Variants in RABGAP1L observed in about 807,000 individuals in gnomAD.
The protein encoded by RABGAP1L is rab GTPase-activating protein 1-like.
RABGAP1L carries 63 observed loss-of-function variants against 137.7 expected under a neutral mutation model. The ratio of observed to expected loss-of-function variants is 0.46; its 90% CI spans 0.37 to 0.56. RABGAP1L has a LOEUF of 0.56. RABGAP1L is among the 20% of genes least tolerant of loss of function. The pLI, the probability that RABGAP1L is intolerant of heterozygous loss-of-function variation, is 0.00. For synonymous variants in RABGAP1L, 431 were observed against 433.7 expected, an observed-to-expected ratio of 0.99 and a Z score of 0.08; for missense variants, 1,095 against 1,244.0, an observed-to-expected ratio of 0.88 and a Z score of 1.80.
At chr1:174,540,743 G>T (rs569628259) in intron 13 of RABGAP1L, among the ~76,000 whole-genome samples, 79 of 152,252 alleles carry the variant, frequency 5.2e-4, no homozygotes, top group South Asian at 5.2e-3. Context: ...CTCCAGCTTT[G>T]TTCTTTTTGT....
chr1:174,668,769 G>A (rs1676966669), intron 14 of RABGAP1L, among the ~76,000 whole-genome samples: 2 of 152,100 alleles, frequency 1.3e-5, no homozygotes, highest in Admixed American at 6.6e-5. Flanking sequence ...CTTGCCAACA[G>A]TTGTTATCTT....
At chr1:174,160,227 T>C (rs1342720700) in intron 1 of RABGAP1L, among the ~76,000 whole-genome samples, 1 of 152,084 alleles carries the variant, frequency 6.6e-6, no homozygotes, top group Non-Finnish European at 1.5e-5. Context: ...CTGTAGGGAA[T>C]GCCCCGCTTC....
intron 13 of RABGAP1L, among the ~76,000 whole-genome samples, chr1:174,624,028 A>G (rs2148284815): frequency 6.6e-6 from 1 of 152,372 alleles, no homozygotes; most frequent in East Asian, 1.9e-4. Context: ...CATATTGTCC[A>G]CAGGATTAAG....
intron 19 of RABGAP1L, among the ~76,000 whole-genome samples, chr1:174,937,615 A>G (rs991518204): frequency 3.1e-5 from 3 of 97,856 alleles, no homozygotes; most frequent in African/African-American, 2.6e-4. Context: ...GCAATACTTC[A>G]TTAAATATAT....
intron 19 of RABGAP1L, among the ~76,000 whole-genome samples, chr1:174,907,904 A>C (rs1229635753): frequency 6.6e-6 from 1 of 152,224 alleles, no homozygotes; most frequent in Admixed American, 6.5e-5. Flanking sequence ...AGACCCAGCT[A>C]TATGCTGCCT....
At chr1:174,191,084 C>T (rs752108626) in intron 1 of RABGAP1L, among the ~76,000 whole-genome samples, 10 of 152,086 alleles carry the variant, frequency 6.6e-5, no homozygotes, top group Non-Finnish European at 1.2e-4. Flanking sequence ...GATCGCTGAT[C>T]ACAGATCACC....
intron 17 of RABGAP1L, among the ~76,000 whole-genome samples, chr1:174,710,394 A>G (rs906759662): frequency 1.3e-5 from 2 of 152,212 alleles, no homozygotes; most frequent in Admixed American, 6.5e-5. Flanking sequence ...CCAATGTTGA[A>G]ATGAAGGAAA....
chr1:174,241,779 T>C, intron 5 of RABGAP1L, 122 bp downstream of exon 5: 1 of 880,728 alleles, frequency 1.1e-6, no homozygotes, highest in Non-Finnish European at 1.7e-6. Flanking sequence ...AAAGACAAAA[T>C]TAATATTTGT....
At chr1:174,251,572 A>G (rs1485452976) in intron 6 of RABGAP1L, among the ~76,000 whole-genome samples, 2 of 152,164 alleles carry the variant, frequency 1.3e-5, no homozygotes, top group Admixed American at 6.5e-5. Context: ...TTCTTTTTAG[A>G]TAAGACAAGC....
At chr1:174,908,615 T>C (rs1340977516) in intron 19 of RABGAP1L, among the ~76,000 whole-genome samples, 1 of 146,156 alleles carries the variant, frequency 6.8e-6, no homozygotes, top group East Asian at 2.1e-4. Context: ...CGATCTTGGC[T>C]CACTGCAACC....
At chr1:174,772,383 C>T (rs1573117368) in intron 18 of RABGAP1L, among the ~76,000 whole-genome samples, 2 of 151,672 alleles carry the variant, frequency 1.3e-5, no homozygotes, top group Admixed American at 6.6e-5. Context: ...TTCGAGATCA[C>T]CCTGGCCAAC....
intron 11 of RABGAP1L, among the ~76,000 whole-genome samples, chr1:174,314,983 T>G (rs935645043): frequency 2.0e-5 from 3 of 152,204 alleles, no homozygotes; most frequent in African/African-American, 7.2e-5. Context: ...GGATGAAATA[T>G]TCTGTAAATA....
At chr1:174,204,509 A>G (rs1668362659) in intron 1 of RABGAP1L, among the ~76,000 whole-genome samples, 1 of 152,186 alleles carries the variant, frequency 6.6e-6, no homozygotes, top group Non-Finnish European at 1.5e-5. Flanking sequence ...GAATGCTTCT[A>G]GCTTTTGACC....
intron 17 of RABGAP1L, among the ~76,000 whole-genome samples, chr1:174,735,630 A>G (rs959860802): frequency 3.3e-5 from 5 of 150,668 alleles, no homozygotes; most frequent in African/African-American, 4.9e-5. Flanking sequence ...AAAAAAAAAA[A>G]AAAAAAAAAA....
intron 24 of RABGAP1L, among the ~76,000 whole-genome samples, chr1:174,985,103 GAAC>G (rs1427548025): frequency 6.6e-6 from 1 of 152,168 alleles, no homozygotes; most frequent in African/African-American, 2.4e-5. Context: ...GAATAAAGAA[GAAC>G]AACTAGGCTC....
chr1:174,190,312 A>G (rs1053917257), intron 1 of RABGAP1L, among the ~76,000 whole-genome samples: 19 of 151,748 alleles, frequency 1.3e-4, no homozygotes, highest in South Asian at 1.0e-3. Context: ...AAAAAAAAAA[A>G]AAAAAAAGAA....
At chr1:174,470,359 T>C (rs770838067) in intron 13 of RABGAP1L, among the ~76,000 whole-genome samples, 2 of 152,234 alleles carry the variant, frequency 1.3e-5, no homozygotes, top group African/African-American at 2.4e-5. Context: ...TAATGCTACC[T>C]TTTGTATACA....
At chr1:174,762,267 C>T (rs938705122) in intron 18 of RABGAP1L, among the ~76,000 whole-genome samples, 1 of 152,196 alleles carries the variant, frequency 6.6e-6, no homozygotes, top group Non-Finnish European at 1.5e-5. Flanking sequence ...ACCTCTCCAT[C>T]CTCAACTGCC....
intron 19 of RABGAP1L, among the ~76,000 whole-genome samples, chr1:174,854,319 C>T (rs1473398486): frequency 6.6e-6 from 1 of 152,164 alleles, no homozygotes; most frequent in Non-Finnish European, 1.5e-5. Flanking sequence ...AGGTAATACA[C>T]TTCCAGGCCT....
Sources: gnomAD v4.1 joint callset for allele counts (sites outside exome capture counted in the v4.1 genomes callset) on GRCh38, gnomAD v4.1.1 for gene constraint, MANE v1.5 for transcripts, NCBI Gene and HGNC (gene_info 2026-07-23, HGNC 2026-07-21) for gene names.